The following AGL variants were observed in gnomAD, a reference collection of about 807,000 sequenced individuals.
AGL encodes amylo-alpha-1,6-glucosidase and 4-alpha-glucanotransferase.
Under a neutral mutation model 199.3 loss-of-function variants are expected in AGL, and 128 were observed. The ratio of observed to expected loss-of-function variants is 0.64; its 90% CI spans 0.56 to 0.74. The LOEUF is 0.74. Among genes scored for constraint, AGL ranks in the 30% least tolerant of loss-of-function variants. AGL has a pLI of 0.00. For synonymous variants in AGL, 584 were observed against 594.7 expected, an observed-to-expected ratio of 0.98 and a Z score of 0.26; for missense variants, 1,809 against 1,820.8, an observed-to-expected ratio of 0.99 and a Z score of 0.12.
chr1:99,882,212 A>G (rs1412961430), intron 17 of AGL, among the ~76,000 whole-genome samples: 1 of 152,108 alleles, frequency 6.6e-6, no homozygotes, highest in Admixed American at 6.5e-5. Context: ...CTAGACAGAA[A>G]TACTTTCAAA....
intron 5 of AGL, among the ~76,000 whole-genome samples, chr1:99,865,763 A>G (rs1200559869): frequency 6.6e-6 from 1 of 152,250 alleles, no homozygotes; most frequent in Non-Finnish European, 1.5e-5. Context: ...ACAGTTCTCC[A>G]AGTAACCATA....
intron 5 of AGL, among the ~76,000 whole-genome samples, chr1:99,866,199 A>G (rs964080764): frequency 2.6e-5 from 4 of 152,252 alleles, no homozygotes; most frequent in Admixed American, 2.6e-4. Flanking sequence ...TTATCAAACC[A>G]CATAAGGGCA....
intron 5 of AGL, among the ~76,000 whole-genome samples, chr1:99,867,290 CAT>C (rs1392069905): frequency 1.3e-5 from 2 of 152,158 alleles, no homozygotes; most frequent in Non-Finnish European, 2.9e-5. Context: ...TATGGAGAAA[CAT>C]ATGAAGATCT....
At chr1:99,869,104 CG>C (rs1232030709) in intron 5 of AGL, among the ~76,000 whole-genome samples, 2 of 152,108 alleles carry the variant, frequency 1.3e-5, no homozygotes, top group Admixed American at 1.3e-4. Context: ...AGATTACAGG[CG>C]TGAGCCACTG....
chr1:99,889,376 T>G (rs991596164), intron 21 of AGL, among the ~76,000 whole-genome samples: 1 of 152,198 alleles, frequency 6.6e-6, no homozygotes, highest in South Asian at 2.1e-4. Context: ...TTCTAAAATA[T>G]TCTCATTTTT....
chr1:99,922,253 A>G lies in AGL; in HGVS notation c.*602A>G, dbSNP rs917606483. ...GTAATGAATGCCAACAGTATATTTT[A>G]TATGATTTACTTATGTGAGGAAACA... On this transcript the variant is annotated 3_prime_UTR_variant, in exon 34 of 34. Coordinates refer to ENST00000361915, the MANE Select transcript of AGL (RefSeq NM_000642.3). 4 of 151,886 alleles carry G rather than the reference A, an allele frequency of 2.6e-5. No homozygotes were observed. The highest frequency in any genetic ancestry group is 9.7e-5 in the African/African-American group (4 of 41,440). The allele number at this position is 151,886 out of a possible 1,614,324, so 9.4% of individuals were successfully genotyped here.
intron 21 of AGL, among the ~76,000 whole-genome samples, chr1:99,888,745 C>T (rs1172963319): frequency 1.3e-5 from 2 of 152,076 alleles, no homozygotes; most frequent in Non-Finnish European, 2.9e-5. Flanking sequence ...CTTTATCACA[C>T]CTGTATTCCT....
At position 99,922,822 on chromosome 1, in the gene AGL, A is replaced by T. The variant is rs769264235; in HGVS notation, c.*1171A>T. On this transcript the variant is annotated 3_prime_UTR_variant, in exon 34 of 34. Coordinates refer to ENST00000361915, the MANE Select transcript of AGL (RefSeq NM_000642.3). ...AAGAATTCTTTCATTGCTATATAAT[A>T]TTCAGTGGCTCATTTATACCTAATA... 6 of 152,016 alleles carry T rather than the reference A, an allele frequency of 3.9e-5. No individual in the cohort carries two copies. Among genetic ancestry groups the T allele is most frequent in the Non-Finnish European group, 8.8e-5 (6 of 67,924 alleles). The allele number at this position is 152,016 out of a possible 1,614,324, so 9.4% of individuals were successfully genotyped here.
At chr1:99,889,167 G>A (rs1050498571) in intron 21 of AGL, among the ~76,000 whole-genome samples, 3 of 152,102 alleles carry the variant, frequency 2.0e-5, no homozygotes, top group East Asian at 1.9e-4. Context: ...CTCATTAGAC[G>A]ACACCTAATT....
intron 19 of AGL, 38 bp from the exon 20 acceptor site, chr1:99,884,531 C>T (rs1257996255): frequency 5.6e-6 from 9 of 1,609,438 alleles, no homozygotes; most frequent in Non-Finnish European, 7.7e-6. Context: ...GAATAAATTA[C>T]TCCTAAAAAT....
At chr1:99,915,960 T>C (rs1655084610) in intron 31 of AGL, among the ~76,000 whole-genome samples, 1 of 152,214 alleles carries the variant, frequency 6.6e-6, no homozygotes. Flanking sequence ...CCAATTTTAA[T>C]TTTAAAATAA....
At chr1:99,912,829 G>C (rs1055089926) in intron 29 of AGL, among the ~76,000 whole-genome samples, 72 of 152,258 alleles carry the variant, frequency 4.7e-4, no homozygotes, top group African/African-American at 1.7e-3. Flanking sequence ...TTCTAGAATA[G>C]TGCTGTCCAA....
intron 20 of AGL, among the ~76,000 whole-genome samples, chr1:99,887,457 T>C (rs1652537229): frequency 6.6e-6 from 1 of 152,144 alleles, no homozygotes; most frequent in Admixed American, 6.5e-5. Flanking sequence ...GAGAGAAATA[T>C]GAAGGTAGAG....
intron 31 of AGL, 87 bp downstream of exon 31, chr1:99,915,573 G>A (rs1570515505): frequency 3.0e-6 from 3 of 1,012,402 alleles, no homozygotes; most frequent in Middle Eastern, 2.2e-4. Context: ...TTTTGCCAGG[G>A]CAACAAAAGG....
In AGL at chr1:99,904,270, A is replaced by G. The variant is rs1465273363; in HGVS notation, c.3700+1476A>G. ...TTCCCCATTCCCCTTAGTCATTCCA[A>G]TGTGTTTATTATATATTTATTTTGT... On this transcript the variant is annotated intron_variant, in intron 27 of 33. Coordinates refer to ENST00000361915, the MANE Select transcript of AGL (RefSeq NM_000642.3). 2.0e-5 allele frequency among the ~76,000 whole-genome samples: 3 copies of G among 151,998 alleles called. No homozygotes were observed. In the South Asian group the frequency reaches 6.2e-4, roughly 32 times the overall value.
chr1:99,880,677 A>G lies in AGL; in HGVS notation c.1781A>G (p.Tyr594Cys), dbSNP rs760526774. 2 of 1,614,072 alleles carry G rather than the reference A, an allele frequency of 1.2e-6. No individual in the cohort carries two copies. The highest frequency in any genetic ancestry group is 4.5e-5 in the East Asian group (2 of 44,864). Reference protein sequence around the residue: ...YNSHEEGRLVYRYGGEPVGSF... With the variant: ...YNSHEEGRLVCRYGGEPVGSF... ...AGTCATGAAGAGGGCAGATTAGTTT[A>G]CCGATATGGAGGAGAACCTGTTGGA... Residue 594 changes from tyrosine to cysteine, a missense_variant, in exon 14 of 34, where the codon TAC (tyrosine) becomes TGC (cysteine). Physicochemically the swap from Tyr to Cys is radical, Grantham distance 194. Transcript: ENST00000361915.
In AGL at chr1:99,875,438, G is replaced by A; in HGVS notation, c.1266G>A (p.Lys422=). Residue 422 remains lysine, a synonymous_variant, in exon 10 of 34, where the codon AAG becomes AAA. Transcript: ENST00000361915. ...CAAAACTAGGACCTGTCACTAGAAA[G>A]CATCCTTTAGTTACCAGGTGTTGCA... ...HGPKLGPVTR[K]HPLVTRYFTF... 6.2e-7 allele frequency: 1 copy of A among 1,614,032 alleles called. No homozygotes were observed. Among genetic ancestry groups the A allele is most frequent in the Non-Finnish European group, 8.5e-7 (1 of 1,179,974 alleles).
intron 7 of AGL, among the ~76,000 whole-genome samples, chr1:99,873,730 G>A (rs72725961): frequency 0.021 from 3,224 of 152,240 alleles, 50 homozygotes; most frequent in South Asian, 0.069. Context: ...CACCATGCCC[G>A]GCGGCAGTTT....
At chr1:99,911,268 C>T (rs147270791) in intron 28 of AGL, among the ~76,000 whole-genome samples, 2 of 152,122 alleles carry the variant, frequency 1.3e-5, no homozygotes, top group East Asian at 1.9e-4. Context: ...ATCTTTTTTC[C>T]TAATGTTTGT....
Sources: allele counts gnomAD v4.1 joint callset (sites outside exome capture counted in the v4.1 genomes callset), GRCh38; gene constraint gnomAD v4.1.1; transcripts MANE v1.5; gene names NCBI Gene and HGNC (gene_info 2026-07-23, HGNC 2026-07-21).